The following CHUK variants were observed in gnomAD, a reference collection of about 807,000 sequenced individuals.
CHUK encodes component of inhibitor of nuclear factor kappa B kinase complex.
CHUK carries 35 observed loss-of-function variants against 104.8 expected under a neutral mutation model. That is an observed-to-expected ratio of 0.33 (90% confidence interval 0.26 to 0.44). The LOEUF (loss-of-function observed/expected upper bound fraction) is 0.44, where lower values mean the gene tolerates loss of function less well. Among genes scored for constraint, CHUK ranks in the 20% least tolerant of loss-of-function variants. The pLI, the probability that CHUK is intolerant of heterozygous loss-of-function variation, is 1.00. For synonymous variants in CHUK, 276 were observed against 291.9 expected, an observed-to-expected ratio of 0.95 and a Z score of 0.56; for missense variants, 663 against 902.7, an observed-to-expected ratio of 0.73 and a Z score of 3.40.
chr10:100,189,679 G>A, intron 20 of CHUK, 52 bp from the exon 21 acceptor site: 1 of 1,287,400 alleles, frequency 7.8e-7, no homozygotes, highest in Non-Finnish European at 1.1e-6. Context: ...TAAGTTATAA[G>A]TATATGGGTG....
intron 2 of CHUK, among the ~76,000 whole-genome samples, chr10:100,223,228 TAACTC>T (rs1237646415): frequency 1.3e-5 from 2 of 152,226 alleles, no homozygotes; most frequent in Non-Finnish European, 2.9e-5. Flanking sequence ...TTAAATATAT[TAACTC>T]AGTTACTTGT....
chr10:100,224,993 G>A (rs1414175054), intron 2 of CHUK, among the ~76,000 whole-genome samples: 3 of 151,470 alleles, frequency 2.0e-5, no homozygotes, highest in African/African-American at 7.3e-5. Context: ...GGGACTACGG[G>A]CATGCACCAC....
Position 100,218,190 on chromosome 10 carries a change from C to T in CHUK, c.798-60G>A, listed in dbSNP as rs971893666. Reference sequence around the variant, plus strand: ...CATTATGTTCCAATTTCCCTTTATACTGTTAGAAAGGTAATTTTGCAGGTT... The same window carrying T: ...CATTATGTTCCAATTTCCCTTTATATTGTTAGAAAGGTAATTTTGCAGGTT... On this transcript the variant is annotated intron_variant, in intron 8 of 20. Coordinates refer to ENST00000370397, the MANE Select transcript of CHUK (RefSeq NM_001278.5). 9 of 1,448,026 alleles carry T rather than the reference C, an allele frequency of 6.2e-6. No homozygotes were observed. In the African/African-American group the frequency reaches 1.1e-4, roughly 18 times the overall value. The allele number at this position is 1,448,026 out of a possible 1,614,324, so 89.7% of individuals were successfully genotyped here.
chr10:100,201,902 T>C (rs765601533), intron 14 of CHUK, among the ~76,000 whole-genome samples, 186 bp downstream of exon 14: 2 of 152,136 alleles, frequency 1.3e-5, no homozygotes, highest in Non-Finnish European at 2.9e-5. Flanking sequence ...CACTAGGTAA[T>C]TTTCCCAAAG....
chr10:100,216,666 C>T (rs1318094850), intron 9 of CHUK, among the ~76,000 whole-genome samples: 1 of 152,186 alleles, frequency 6.6e-6, no homozygotes, highest in East Asian at 1.9e-4. Context: ...TCGCCATGTA[C>T]TCCAACATTA....
chr10:100,194,845 C>T lies in CHUK; in HGVS notation c.1730-324G>A, dbSNP rs529083854. 3 of 184,414 alleles carry T rather than the reference C, an allele frequency of 1.6e-5. No homozygotes were observed. In the South Asian group the frequency reaches 3.2e-4, roughly 20 times the overall value. The allele number at this position is 184,414 out of a possible 1,614,324, so 11.4% of individuals were successfully genotyped here. A position where few individuals can be genotyped will look rare whatever the true frequency, so the allele number is the denominator to read the frequency against. ...CAAGCCCTAGACACAAATGCAGCCT[C>T]TGGCCAAGGGAACAATTTTTCTTGG... is the stretch of plus-strand genomic sequence containing the variant. On this transcript the variant is annotated intron_variant, in intron 16 of 20. Transcript: ENST00000370397.
At position 100,190,041 on chromosome 10, in the gene CHUK, C is replaced by T. The variant is rs533300096; in HGVS notation, c.2209-414G>A. On this transcript the variant is annotated intron_variant, in intron 20 of 20. Coordinates refer to ENST00000370397, the MANE Select transcript of CHUK (RefSeq NM_001278.5). ...TATCCTTTTTTTTTTTTTTTTTCCC[C>T]GAGACAAAGTCTCACTCTGTCACAG... The T allele has an allele frequency of 2.8e-3, 438 of 157,430 alleles. 4 individuals carry two copies. The highest frequency in any genetic ancestry group is 0.011 in the African/African-American group (426 of 38,612). 9.8% of individuals were successfully genotyped at this position (157,430 alleles called of 1,614,324 possible).
intron 16 of CHUK, among the ~76,000 whole-genome samples, chr10:100,197,000 G>A (rs547892491): frequency 6.6e-6 from 1 of 152,222 alleles, no homozygotes; most frequent in East Asian, 1.9e-4. Context: ...CTCTCCACAG[G>A]CTTTTTTGGC....
intron 14 of CHUK, among the ~76,000 whole-genome samples, chr10:100,201,515 T>C (rs1044810845): frequency 1.3e-5 from 2 of 152,148 alleles, no homozygotes; most frequent in African/African-American, 2.4e-5. Context: ...CATTACTGAC[T>C]CCCATTTAAT....
intron 19 of CHUK, 67 bp from the exon 20 acceptor site, chr10:100,191,035 T>C (rs746278674): frequency 5.8e-5 from 55 of 947,686 alleles, no homozygotes; most frequent in Middle Eastern, 2.2e-4. Flanking sequence ...CTCTACTTTC[T>C]AGTCTTCTAG....
rs1846005169 is a variant in CHUK at position 100,222,187 on chromosome 10, AAAAG to A, written c.316-10_316-7del. ...TTTTCTGGTTTGTTGAGCAGCTAAA[AAAAG>A]AAAGAAATCTAAAAATCTGTTCTGC... On this transcript the variant is annotated splice_polypyrimidine_tract_variant and splice_region_variant and intron_variant, in intron 3 of 20. Coordinates refer to ENST00000370397, the MANE Select transcript of CHUK (RefSeq NM_001278.5). The A allele has an allele frequency of 1.3e-6, 2 of 1,572,546 alleles. No individual in the cohort carries two copies. The highest frequency in any genetic ancestry group is 1.1e-5 in the South Asian group (1 of 90,124).
At chr10:100,205,050 G>C (rs1845558649) in intron 12 of CHUK, 26 bp downstream of exon 12, 1 of 1,613,396 alleles carries the variant, frequency 6.2e-7, no homozygotes, top group African/African-American at 1.3e-5. Context: ...ATTGCATTGT[G>C]CTTATAAACA....
intron 3 of CHUK, among the ~76,000 whole-genome samples, 198 bp from the exon 4 acceptor site, chr10:100,222,379 A>G (rs1224699339): frequency 6.6e-6 from 1 of 152,208 alleles, no homozygotes; most frequent in African/African-American, 2.4e-5. Flanking sequence ...AAAAAGAGGC[A>G]AAAAGCATTT....
At chr10:100,210,087 A>ATTTATTTATTTT (rs1196919116) in intron 9 of CHUK, among the ~76,000 whole-genome samples, 2 of 129,452 alleles carry the variant, frequency 1.5e-5, no homozygotes, top group African/African-American at 6.9e-5. Flanking sequence ...TTATTTATTT[A>ATTTATTTATTTT]TTTATTTTTT....
At chr10:100,222,716 T>A in intron 3 of CHUK, 150 bp downstream of exon 3, 2 of 642,576 alleles carry the variant, frequency 3.1e-6, no homozygotes, top group Non-Finnish European at 2.8e-6. Context: ...AAGAAATGAA[T>A]GTGGCTGTGT....
intron 20 of CHUK, among the ~76,000 whole-genome samples, chr10:100,189,834 C>CTTTTTTTTTT (rs34571703): frequency 2.2e-5 from 3 of 139,132 alleles, no homozygotes; most frequent in Non-Finnish European, 4.7e-5. Flanking sequence ...CTTTTCTTTT[C>CTTTTTTTTTT]TTTTTTTTTT....
chr10:100,217,862 GTGAGACCC>G (rs1589595060), intron 9 of CHUK, 125 bp downstream of exon 9: 2 of 973,718 alleles, frequency 2.1e-6, no homozygotes, highest in East Asian at 5.3e-5. Flanking sequence ...AGGTGACAGA[GTGAGACCC>G]TGTCTCAAAA....
At chr10:100,217,252 T>TAA (rs60186341) in intron 9 of CHUK, among the ~76,000 whole-genome samples, 17 of 125,282 alleles carry the variant, frequency 1.4e-4, no homozygotes, top group African/African-American at 3.9e-4. Flanking sequence ...CTTGACTTGT[T>TAA]AAAAAAAAAA....
Position 100,188,446 on chromosome 10 carries a change from A to G in CHUK, c.*1152T>C, listed in dbSNP as rs1049473259. On this transcript the variant is annotated 3_prime_UTR_variant, in exon 21 of 21. Coordinates refer to ENST00000370397, the MANE Select transcript of CHUK (RefSeq NM_001278.5). The stretch of plus-strand genomic sequence containing the variant: ...TTTCACATTTTTTAAGACAAATAAT[A>G]TCTTCTAAATTACTTAGCAGATGAT... 2.0e-5 allele frequency: 3 copies of G among 152,674 alleles called. No individual in the cohort carries two copies. Among genetic ancestry groups the G allele is most frequent in the Non-Finnish European group, 2.9e-5 (2 of 68,036 alleles). 9.5% of individuals were successfully genotyped at this position (152,674 alleles called of 1,614,324 possible). A position where few individuals can be genotyped will look rare whatever the true frequency, so the allele number is the denominator to read the frequency against.
Sources: allele counts gnomAD v4.1 joint callset (sites outside exome capture counted in the v4.1 genomes callset), GRCh38; gene constraint gnomAD v4.1.1; transcripts MANE v1.5; gene names NCBI Gene and HGNC (gene_info 2026-07-23, HGNC 2026-07-21).